The following EVC2 variants were observed in gnomAD, a reference collection of about 807,000 sequenced individuals.
EVC2 encodes EvC ciliary complex subunit 2.
Under a neutral mutation model 149.3 loss-of-function variants are expected in EVC2, and 148 were observed. The observed-to-expected ratio is 0.99, with a 90% confidence interval of 0.87 to 1.14. The LOEUF (loss-of-function observed/expected upper bound fraction) is 1.14. Among genes scored for constraint, EVC2 ranks in the 50% most tolerant of loss-of-function variants. The probability of loss-of-function intolerance (pLI) is 0.00; values close to 1 mark genes in which losing one functional copy is unlikely to be tolerated. For missense variants in EVC2, 1,854 were observed against 1,627.3 expected (o/e 1.14, Z -2.40); for synonymous variants, 776 against 649.9 (o/e 1.19, Z -2.95).
rs778550648 is a variant in EVC2, at chr4:5,686,130, A to ACACACACAT, written c.707-652_707-651insATGTGTGTG. ...CACACACACACACACACACACACAG[A>ACACACACAT]GTAAAGAAAAGAGGAGGAACGCTCA... On this transcript the variant is annotated intron_variant, in intron 5 of 21. Coordinates refer to ENST00000344408, the MANE Select transcript of EVC2 (RefSeq NM_147127.5). The surrounding 1 kb of genome is among the most constrained non-coding windows in gnomAD (Gnocchi z 5.4). Among the ~76,000 whole-genome samples the ACACACACAT allele has an allele frequency of 6.6e-6, 1 of 152,088 alleles. No homozygotes were observed. The highest frequency in any genetic ancestry group is 2.4e-5 in the African/African-American group (1 of 41,402).
At chr4:5,700,469 T>C (rs35281071) in intron 1 of EVC2, among the ~76,000 whole-genome samples, 6,975 of 152,222 alleles carry the variant, frequency 0.046, 368 homozygotes, top group Admixed American at 0.17. Context: ...GGATCACATG[T>C]CAGGCAAAGC....
At chr4:5,667,266 T>C (rs1178416773) in intron 7 of EVC2, among the ~76,000 whole-genome samples, 1 of 152,048 alleles carries the variant, frequency 6.6e-6, no homozygotes, top group Non-Finnish European at 1.5e-5. Context: ...TTGAATGTAA[T>C]TTCTTGATGA....
rs1716019331 is a variant in EVC2, at chr4:5,625,290, A to G, written c.2046+459T>C. Among the ~76,000 whole-genome samples the G allele has an allele frequency of 6.7e-6, 1 of 149,014 alleles. No individual in the cohort carries two copies. Among genetic ancestry groups the G allele is most frequent in the Non-Finnish European group, 1.5e-5 (1 of 67,634 alleles). On this transcript the variant is annotated intron_variant, in intron 13 of 21. Coordinates refer to ENST00000344408, the MANE Select transcript of EVC2 (RefSeq NM_147127.5). This position sits in a 1 kb window ranked among gnomAD's most constrained non-coding sequence, Gnocchi z 4.0. ...ACATGCCATGCGTGCCACTTACTAG[A>G]TATTTGACCTTGACCATACACACAC...
intron 1 of EVC2, among the ~76,000 whole-genome samples, chr4:5,704,747 C>A (rs1393326736): frequency 2.0e-5 from 3 of 152,210 alleles, no homozygotes; most frequent in Middle Eastern, 3.4e-3. Flanking sequence ...GTTCTGCCAT[C>A]CAGGTTGGAG....
intron 15 of EVC2, among the ~76,000 whole-genome samples, chr4:5,616,247 C>A (rs1209313167): frequency 6.6e-6 from 1 of 152,170 alleles, no homozygotes; most frequent in African/African-American, 2.4e-5. Flanking sequence ...AGGGCCCAGG[C>A]CACAGGGAGC....
intron 17 of EVC2, among the ~76,000 whole-genome samples, chr4:5,581,007 G>T (rs774642365): frequency 1.3e-5 from 2 of 152,192 alleles, no homozygotes; most frequent in Non-Finnish European, 2.9e-5. Context: ...AGCCAAGTAA[G>T]ATGTGCCTCT....
rs928244303 is a variant in EVC2 at position 5,679,021 on chromosome 4, ACT to A, written c.870+2237_870+2238del. Among the ~76,000 whole-genome samples, 9 of 151,636 alleles carry A rather than the reference ACT, an allele frequency of 5.9e-5. No homozygotes were observed. Among genetic ancestry groups the A allele is most frequent in the African/African-American group, 2.2e-4 (9 of 41,236 alleles). ...ACTCCAGCCTGGGCGACAAAGCAAG[ACT>A]CTAAGAAAAAAAAGAAAGAAAGAAA... On this transcript the variant is annotated intron_variant, in intron 7 of 21. Coordinates refer to ENST00000344408, the MANE Select transcript of EVC2 (RefSeq NM_147127.5). This position sits in a 1 kb window ranked among gnomAD's most constrained non-coding sequence, Gnocchi z 5.1.
chr4:5,596,479 T>A (rs925471941), intron 16 of EVC2, among the ~76,000 whole-genome samples: 1 of 151,944 alleles, frequency 6.6e-6, no homozygotes, highest in Non-Finnish European at 1.5e-5. Flanking sequence ...ACTGGGTACA[T>A]AACAAAATGA....
downstream of EVC2, among the ~76,000 whole-genome samples, chr4:5,542,609 ATC>A (rs1220172407): frequency 6.6e-6 from 1 of 152,204 alleles, no homozygotes; most frequent in African/African-American, 2.4e-5. Flanking sequence ...GCCTGGCTCC[ATC>A]ACCTACACAC....
At chr4:5,616,744 G>T (rs1715286369) in intron 15 of EVC2, among the ~76,000 whole-genome samples, 1 of 152,236 alleles carries the variant, frequency 6.6e-6, no homozygotes, top group Non-Finnish European at 1.5e-5. Context: ...CTCCATCCGT[G>T]CAAAAGCCTG....
At chr4:5,644,672 G>A (rs564323932) in intron 9 of EVC2, among the ~76,000 whole-genome samples, 24 of 152,096 alleles carry the variant, frequency 1.6e-4, no homozygotes, top group African/African-American at 4.3e-4. Context: ...GTTTTCCTTC[G>A]TCTAAACCTA....
the EVC2 span, among the ~76,000 whole-genome samples, chr4:5,536,189 G>A: frequency 1.2e-4 from 19 of 152,002 alleles, no homozygotes; most frequent in Non-Finnish European, 2.5e-4. Flanking sequence ...AATATTCAAT[G>A]CAAATATATT....
At chr4:5,641,430 T>C (rs1260277961) in intron 9 of EVC2, among the ~76,000 whole-genome samples, 1 of 152,220 alleles carries the variant, frequency 6.6e-6, no homozygotes, top group African/African-American at 2.4e-5. Flanking sequence ...ATGGGAATTA[T>C]CTGTATTATC....
chr4:5,686,127 C>CACACACAT lies in EVC2; in HGVS notation c.707-649_707-648insATGTGTGT, dbSNP rs71171411. Among the ~76,000 whole-genome samples the CACACACAT allele has an allele frequency of 2.5e-4, 38 of 149,660 alleles. No homozygotes were observed. Among genetic ancestry groups the CACACACAT allele is most frequent in the Admixed American group, 9.9e-4 (15 of 15,108 alleles). On this transcript the variant is annotated intron_variant, in intron 5 of 21. Coordinates refer to ENST00000344408, the MANE Select transcript of EVC2 (RefSeq NM_147127.5). The surrounding 1 kb of genome is among the most constrained non-coding windows in gnomAD (Gnocchi z 5.4). ...ACACACACACACACACACACACACA[C>CACACACAT]AGAGTAAAGAAAAGAGGAGGAACGC...
the EVC2 span, among the ~76,000 whole-genome samples, chr4:5,537,479 G>A: frequency 6.6e-6 from 1 of 152,156 alleles, no homozygotes; most frequent in African/African-American, 2.4e-5. Flanking sequence ...TTTGGTAGAG[G>A]ACTCAGAACG....
chr4:5,697,702 T>C (rs1721570150), intron 1 of EVC2, 55 bp from the exon 2 acceptor site: 2 of 1,489,354 alleles, frequency 1.3e-6, no homozygotes, highest in South Asian at 1.1e-5. Context: ...TGAGAAGTGA[T>C]AATAAATAAT....
At chr4:5,612,738 C>T (rs959734412) in intron 16 of EVC2, among the ~76,000 whole-genome samples, 4 of 151,868 alleles carry the variant, frequency 2.6e-5, no homozygotes, top group South Asian at 2.1e-4. Flanking sequence ...CTGGCTAATG[C>T]GGTGAAACCC....
At chr4:5,646,926 T>C (rs1448057607) in intron 9 of EVC2, among the ~76,000 whole-genome samples, 1 of 152,238 alleles carries the variant, frequency 6.6e-6, no homozygotes, top group East Asian at 1.9e-4. Context: ...CCATACTTTG[T>C]ACCTCCCTGA....
chr4:5,562,805 A>G lies in EVC2; in HGVS notation c.*43T>C. On this transcript the variant is annotated 3_prime_UTR_variant, in exon 22 of 22. Transcript: ENST00000344408. The surrounding 1 kb of genome is among the most constrained non-coding windows in gnomAD (Gnocchi z 4.3). ...AAACACCGGCGGGCAGGAGAAAATC[A>G]TCCCTTCTCTCTTCAGATGCTCCCG... The G allele has an allele frequency of 6.2e-7, 1 of 1,611,392 alleles. No homozygotes were observed. Among genetic ancestry groups the G allele is most frequent in the Non-Finnish European group, 8.5e-7 (1 of 1,180,028 alleles).
Sources: allele counts gnomAD v4.1 joint callset (sites outside exome capture counted in the v4.1 genomes callset), GRCh38; gene constraint gnomAD v4.1.1; non-coding constraint Gnocchi (gnomAD v3.1); transcripts MANE v1.5; gene names NCBI Gene and HGNC (gene_info 2026-07-23, HGNC 2026-07-21).